Variants in COMMD10 observed in about 807,000 individuals in gnomAD.
COMMD10 encodes the protein COMM domain-containing protein 10.
Under a neutral mutation model 28.9 loss-of-function variants are expected in COMMD10, and 33 were observed. The ratio of observed to expected loss-of-function variants is 1.14; its 90% CI spans 0.87 to 1.53. The LOEUF is 1.53. Ranked by LOEUF, COMMD10 falls within the 40% of genes most tolerant of loss-of-function variation. The probability of loss-of-function intolerance (pLI) is 0.00; values close to 1 mark genes in which losing one functional copy is unlikely to be tolerated. For synonymous variants in COMMD10, 110 were observed against 81.7 expected, an observed-to-expected ratio of 1.35 and a Z score of -1.87; for missense variants, 310 against 233.4, an observed-to-expected ratio of 1.33 and a Z score of -2.14.
chr5:116,224,663 C>T (rs1214264306), intron 5 of COMMD10, among the ~76,000 whole-genome samples: 1 of 151,998 alleles, frequency 6.6e-6, no homozygotes, highest in East Asian at 1.9e-4. Flanking sequence ...CATGAGGGAT[C>T]TTCCCCCAAG....
rs1022362703 is a variant in COMMD10, at chr5:116,150,178, G to A, written c.510+16000G>A. Among the ~76,000 whole-genome samples, 379 of 152,118 alleles carry A rather than the reference G, an allele frequency of 2.5e-3. 3 individuals are homozygous for A. Among genetic ancestry groups the A allele is most frequent in the Non-Finnish European group, 3.2e-3 (215 of 67,956 alleles). On this transcript the variant is annotated intron_variant, in intron 5 of 6. Transcript: ENST00000274458. ...GATCAGATAGTTGTAGCTATGCAGT[G>A]TTACTTCTGAGGGCTCTGTTCTGTT...
intron 5 of COMMD10, among the ~76,000 whole-genome samples, chr5:116,220,206 C>G (rs1749211658): frequency 1.3e-5 from 2 of 152,022 alleles, no homozygotes; most frequent in Non-Finnish European, 2.9e-5. Context: ...TTGTAGGTAC[C>G]TAGGGAGCAA....
chr5:116,173,396 T>G (rs1753400334), intron 5 of COMMD10, among the ~76,000 whole-genome samples: 1 of 152,130 alleles, frequency 6.6e-6, no homozygotes, highest in Non-Finnish European at 1.5e-5. Context: ...AGTAGAAGTG[T>G]AAACTTTGGA....
At chr5:116,117,178 T>C (rs1011624695) in intron 4 of COMMD10, among the ~76,000 whole-genome samples, 5 of 152,228 alleles carry the variant, frequency 3.3e-5, no homozygotes, top group South Asian at 2.1e-4. Context: ...TTTCTGTTCA[T>C]GTATGTTTGG....
intron 4 of COMMD10, among the ~76,000 whole-genome samples, chr5:116,119,952 A>G (rs1751370723): frequency 6.6e-6 from 1 of 152,090 alleles, no homozygotes; most frequent in Admixed American, 6.6e-5. Flanking sequence ...TTATAATTAT[A>G]ATTTGTATAG....
intron 5 of COMMD10, among the ~76,000 whole-genome samples, chr5:116,278,318 G>C (rs1750973893): frequency 6.6e-6 from 1 of 151,638 alleles, no homozygotes; most frequent in African/African-American, 2.4e-5. Flanking sequence ...AGCAACCATA[G>C]CTAAATATTT....
intron 4 of COMMD10, among the ~76,000 whole-genome samples, chr5:116,121,617 A>G (rs1751438400): frequency 6.6e-6 from 1 of 152,100 alleles, no homozygotes; most frequent in Admixed American, 6.5e-5. Context: ...AAGCATTCCT[A>G]TTTCTCCACA....
intron 4 of COMMD10, among the ~76,000 whole-genome samples, chr5:116,108,712 T>C (rs927495569): frequency 6.0e-5 from 9 of 150,144 alleles, no homozygotes; most frequent in African/African-American, 2.2e-4. Context: ...TCACTGGCAT[T>C]CCAGGTGCCA....
intron 5 of COMMD10, among the ~76,000 whole-genome samples, chr5:116,260,564 A>G (rs912119918): frequency 6.6e-6 from 1 of 151,862 alleles, no homozygotes; most frequent in Non-Finnish European, 1.5e-5. Flanking sequence ...ATGTACTTTA[A>G]TGGAGATCAC....
chr5:116,085,043 A>G lies in COMMD10; in HGVS notation c.-10A>G. 1 of 1,606,860 alleles carries G rather than the reference A, an allele frequency of 6.2e-7. No homozygotes were observed. The highest frequency in any genetic ancestry group is 1.1e-5 in the South Asian group (1 of 89,694). On this transcript the variant is annotated 5_prime_UTR_variant, in exon 1 of 7. Coordinates refer to ENST00000274458, the MANE Select transcript of COMMD10 (RefSeq NM_016144.4). The stretch of plus-strand genomic sequence containing the variant: ...AGCTAACAGACGGCGGCAGTGCGAG[A>G]AAGCCGAAGATGGCGGTCCCCGCGG...
chr5:116,098,507 T>C (rs1750539278), intron 4 of COMMD10, among the ~76,000 whole-genome samples: 1 of 152,204 alleles, frequency 6.6e-6, no homozygotes, highest in Non-Finnish European at 1.5e-5. Context: ...GAATTTGCCA[T>C]GTGCTGAGTA....
intron 4 of COMMD10, among the ~76,000 whole-genome samples, chr5:116,127,885 C>T (rs1751715880): frequency 2.0e-5 from 3 of 152,006 alleles, no homozygotes; most frequent in Admixed American, 2.0e-4. Flanking sequence ...TGTCACAAAC[C>T]TGCACGTTGT....
intron 5 of COMMD10, among the ~76,000 whole-genome samples, chr5:116,136,371 C>T (rs1160531095): frequency 1.3e-5 from 2 of 152,182 alleles, no homozygotes; most frequent in Non-Finnish European, 2.9e-5. Context: ...CATGCACATT[C>T]CAAGTAGCTA....
At chr5:116,160,245 C>G (rs1451944222) in intron 5 of COMMD10, among the ~76,000 whole-genome samples, 1 of 152,162 alleles carries the variant, frequency 6.6e-6, no homozygotes, top group Admixed American at 6.5e-5. Context: ...ATTGTTACAA[C>G]TTTTGCTGCA....
intron 4 of COMMD10, among the ~76,000 whole-genome samples, chr5:116,122,022 A>T (rs1561613638): frequency 1.3e-5 from 2 of 152,078 alleles, no homozygotes; most frequent in African/African-American, 4.8e-5. Context: ...TTTTGTTGCC[A>T]TTGCTTTTGG....
At chr5:116,260,553 C>A (rs529751787) in intron 5 of COMMD10, among the ~76,000 whole-genome samples, 2 of 151,816 alleles carry the variant, frequency 1.3e-5, no homozygotes, top group Non-Finnish European at 2.9e-5. Context: ...AGTAAACCTT[C>A]ATGTACTTTA....
chr5:116,118,660 A>G (rs1246565676), intron 4 of COMMD10, among the ~76,000 whole-genome samples: 3 of 152,142 alleles, frequency 2.0e-5, no homozygotes, highest in Non-Finnish European at 4.4e-5. Context: ...ATTTTGCTAG[A>G]GTACTAGATT....
At position 116,119,778 on chromosome 5, in the gene COMMD10, CT is replaced by C. The variant is rs565023178; in HGVS notation, c.400-14285del. 3.5e-4 allele frequency among the ~76,000 whole-genome samples: 53 copies of C among 152,060 alleles called. 1 individual carries two copies. The highest frequency in any genetic ancestry group is 1.2e-3 in the African/African-American group (51 of 41,450). Reference sequence around the variant, plus strand: ...AGGTGTATGCTGTCATGCCTAGATACTTTTTAAAGAACATTTTCATAGAGAC... The same window carrying C: ...AGGTGTATGCTGTCATGCCTAGATACTTTTAAAGAACATTTTCATAGAGAC... On this transcript the variant is annotated intron_variant, in intron 4 of 6. Coordinates refer to ENST00000274458, the MANE Select transcript of COMMD10 (RefSeq NM_016144.4).
chr5:116,167,798 C>T (rs1001677175), intron 5 of COMMD10, among the ~76,000 whole-genome samples: 19 of 152,044 alleles, frequency 1.2e-4, no homozygotes, highest in African/African-American at 4.1e-4. Flanking sequence ...ATTTTGTTAC[C>T]ACCAGGGCTG....
Sources: allele counts gnomAD v4.1 joint callset (sites outside exome capture counted in the v4.1 genomes callset), GRCh38; gene constraint gnomAD v4.1.1; transcripts MANE v1.5; gene names NCBI Gene and HGNC (gene_info 2026-07-23, HGNC 2026-07-21).